Variants in GCH1 observed in about 807,000 individuals in gnomAD.
GCH1 encodes GTP cyclohydrolase 1, also known as GTP cyclohydrolase I.
In GCH1, 5 loss-of-function variants were observed where a neutral mutation model predicts 25.9. The observed-to-expected ratio is 0.19, with a 90% CI of 0.10 to 0.41. The LOEUF (loss-of-function observed/expected upper bound fraction) is 0.41. Ranked by LOEUF, GCH1 falls within the 10% of genes least tolerant of loss-of-function variation. The pLI is 1.00. For missense variants in GCH1, 261 were observed against 336.5 expected (o/e 0.78, Z 1.75); for synonymous variants, 159 against 129.6 (o/e 1.23, Z -1.54).
intron 3 of GCH1, among the ~76,000 whole-genome samples, chr14:54,854,108 C>T (rs2039774295): frequency 6.6e-6 from 1 of 152,206 alleles, no homozygotes; most frequent in Non-Finnish European, 1.5e-5. Flanking sequence ...ACCTATGATA[C>T]AAGATTTTCA....
At chr14:54,845,222 G>C (rs1173335622) in intron 5 of GCH1, among the ~76,000 whole-genome samples, 1 of 151,966 alleles carries the variant, frequency 6.6e-6, no homozygotes, top group East Asian at 1.9e-4. Context: ...GCTCACGCCT[G>C]TAATCCTAGC....
chr14:54,843,725 C>A lies in GCH1; in HGVS notation c.*292G>T. 3 of 1,611,978 alleles carry A rather than the reference C, an allele frequency of 1.9e-6. No homozygotes were observed. The highest frequency in any genetic ancestry group is 1.7e-5 in the Admixed American group (1 of 59,580). Reference sequence around the variant, plus strand: ...ACTATTTGAAAAAAATACACTAATTCTTCTCCCTTCCCAGGCCCCTCTGGT... The same window carrying A: ...ACTATTTGAAAAAAATACACTAATTATTCTCCCTTCCCAGGCCCCTCTGGT... On this transcript the variant is annotated 3_prime_UTR_variant, in exon 6 of 6. Transcript: ENST00000491895.
rs560353530 is a variant in GCH1, at chr14:54,873,011, C to T, written c.344-7575G>A. ...CTCTGCACCAAGCAGACCTAACAGA[C>T]ATCTACAGAACTCTCCACCCCAAAT... On this transcript the variant is annotated intron_variant, in intron 1 of 5. Transcript: ENST00000491895. Among the ~76,000 whole-genome samples, 7 of 151,978 alleles carry T rather than the reference C, an allele frequency of 4.6e-5. No homozygotes were observed. In the East Asian group the frequency reaches 9.7e-4, roughly 21 times the overall value.
intron 1 of GCH1, among the ~76,000 whole-genome samples, chr14:54,899,494 A>T (rs942396301): frequency 6.6e-6 from 1 of 151,892 alleles, no homozygotes; most frequent in African/African-American, 2.4e-5. Flanking sequence ...AATAATCTTA[A>T]ATGGTCCGCT....
chr14:54,860,025 AC>A (rs2039870869), intron 2 of GCH1, among the ~76,000 whole-genome samples: 1 of 152,034 alleles, frequency 6.6e-6, no homozygotes, highest in African/African-American at 2.4e-5. Flanking sequence ...TGCTTCCAGG[AC>A]CCCTGTGTAT....
rs571433770 is a variant in GCH1 at position 54,889,111 on chromosome 14, T to C, written c.343+13210A>G. On this transcript the variant is annotated intron_variant, in intron 1 of 5. Coordinates refer to ENST00000491895, the MANE Select transcript of GCH1 (RefSeq NM_000161.3). ...CTGGAGGCTGTCAGCAAACTGTTCC[T>C]TGAAGCTGAAGGGCAGATTCTTTTT... Among the ~76,000 whole-genome samples, 4 of 152,270 alleles carry C rather than the reference T, an allele frequency of 2.6e-5. No individual in the cohort carries two copies. The South Asian group carries it at 8.3e-4, about 32-fold the overall frequency.
intron 1 of GCH1, chr14:54,885,639 A>G (rs1041497931): frequency 6.7e-6 from 2 of 300,156 alleles, no homozygotes; most frequent in Middle Eastern, 1.3e-3. Flanking sequence ...CTGTAATCCC[A>G]GCACTTTGGG....
intron 1 of GCH1, among the ~76,000 whole-genome samples, chr14:54,892,352 T>G (rs2040434099): frequency 6.6e-6 from 1 of 152,170 alleles, no homozygotes; most frequent in African/African-American, 2.4e-5. Flanking sequence ...TTTCTTGAAA[T>G]AAGGAAATTA....
intron 1 of GCH1, among the ~76,000 whole-genome samples, chr14:54,884,586 A>G (rs1595012604): frequency 6.6e-6 from 1 of 152,076 alleles, no homozygotes. Context: ...CCTGGCCAAC[A>G]TGGTGAAACC....
At chr14:54,902,193 A>C in intron 1 of GCH1, 128 bp downstream of exon 1, 2 of 1,018,324 alleles carry the variant, frequency 2.0e-6, no homozygotes, top group Non-Finnish European at 2.9e-6. Flanking sequence ...GCGGGTTCGG[A>C]GGTGACAGCG....
intron 5 of GCH1, 36 bp downstream of exon 5, chr14:54,845,732 C>T (rs754688480): frequency 9.0e-7 from 1 of 1,109,924 alleles, no homozygotes; most frequent in Non-Finnish European, 1.4e-6. Flanking sequence ...TTCTAGTGCA[C>T]CATTATGACG....
At chr14:54,870,676 A>G (rs1180418907) in intron 1 of GCH1, among the ~76,000 whole-genome samples, 2 of 152,232 alleles carry the variant, frequency 1.3e-5, no homozygotes, top group Admixed American at 6.5e-5. Flanking sequence ...CAACGATCTT[A>G]GCAAACGGCA....
rs573364454 is a variant in GCH1, at chr14:54,843,274, T to A, written c.*743A>T. ...GCTTTTTTAAAAAGGCAAAAGTATCTACACTCTAAATGATATTCTTATCAA... is the reference window on the plus strand; with the variant it reads ...GCTTTTTTAAAAAGGCAAAAGTATCAACACTCTAAATGATATTCTTATCAA... On this transcript the variant is annotated 3_prime_UTR_variant, in exon 6 of 6. Transcript: ENST00000491895. 1.4e-6 allele frequency: 2 copies of A among 1,389,010 alleles called. No individual in the cohort carries two copies. The highest frequency in any genetic ancestry group is 2.9e-5 in the African/African-American group (2 of 68,582). The allele number at this position is 1,389,010 out of a possible 1,614,324, so 86.0% of individuals were successfully genotyped here. A position where few individuals can be genotyped will look rare whatever the true frequency, so the allele number is the denominator to read the frequency against.
In GCH1 at chr14:54,843,446, A is replaced by G. The variant is rs1421556882; in HGVS notation, c.*571T>C. ...TTTAACTCACAGTAAAATCAAAAACATAGACATTCCACCACCTTCCCTTGG... is the reference window on the plus strand; with the variant it reads ...TTTAACTCACAGTAAAATCAAAAACGTAGACATTCCACCACCTTCCCTTGG... On this transcript the variant is annotated 3_prime_UTR_variant, in exon 6 of 6. Transcript: ENST00000491895. 17 of 1,235,510 alleles carry G rather than the reference A, an allele frequency of 1.4e-5. No homozygotes were observed. Among genetic ancestry groups the G allele is most frequent in the Admixed American group, 4.1e-5 (1 of 24,630 alleles). The allele number at this position is 1,235,510 out of a possible 1,614,324, so 76.5% of individuals were successfully genotyped here.
intron 5 of GCH1, among the ~76,000 whole-genome samples, chr14:54,845,526 T>C (rs987933961): frequency 6.6e-6 from 1 of 152,088 alleles, no homozygotes; most frequent in African/African-American, 2.4e-5. Context: ...CCTGTGCTTT[T>C]AACTCCCTAT....
At position 54,850,483 on chromosome 14, in the gene GCH1, GTTTT is replaced by G. The variant is rs548540150; in HGVS notation, c.510-3357_510-3354del. ...ACCCGCCACCACATCCAGCTAATTT[GTTTT>G]TTTTTTTAATTATTATTATACTTTA... On this transcript the variant is annotated intron_variant, in intron 3 of 5. Coordinates refer to ENST00000491895, the MANE Select transcript of GCH1 (RefSeq NM_000161.3). Among the ~76,000 whole-genome samples, 36 of 144,296 alleles carry G rather than the reference GTTTT, an allele frequency of 2.5e-4. 1 individual carries two copies. The East Asian group carries it at 6.7e-3, about 27-fold the overall frequency. 94.7% of individuals were successfully genotyped at this position (144,296 alleles called of 152,430 possible). A position where few individuals can be genotyped will look rare whatever the true frequency, so the allele number is the denominator to read the frequency against.
chr14:54,843,290 T>G lies in GCH1; in HGVS notation c.*727A>C. Reference sequence around the variant, plus strand: ...AAAAGTATCTACACTCTAAATGATATTCTTATCAAGGCACAGAGAGTTAAA... The same window carrying G: ...AAAAGTATCTACACTCTAAATGATAGTCTTATCAAGGCACAGAGAGTTAAA... On this transcript the variant is annotated 3_prime_UTR_variant, in exon 6 of 6. Coordinates refer to ENST00000491895, the MANE Select transcript of GCH1 (RefSeq NM_000161.3). 7.4e-7 allele frequency: 1 copy of G among 1,359,266 alleles called. No individual in the cohort carries two copies. The highest frequency in any genetic ancestry group is 2.0e-5 in the South Asian group (1 of 49,966). The allele number at this position is 1,359,266 out of a possible 1,614,324, so 84.2% of individuals were successfully genotyped here.
chr14:54,859,763 G>A, intron 2 of GCH1, 27 bp from the exon 3 acceptor site: 1 of 1,366,936 alleles, frequency 7.3e-7, no homozygotes, highest in Non-Finnish European at 1.0e-6. Flanking sequence ...GAAATCATTA[G>A]CTGAGTGAAA....
chr14:54,879,875 C>A (rs1050895697), intron 1 of GCH1, among the ~76,000 whole-genome samples: 2 of 149,830 alleles, frequency 1.3e-5, no homozygotes, highest in African/African-American at 4.9e-5. Context: ...ATCCCAGGTA[C>A]TCAGGAGGCT....
Sources: gnomAD v4.1 joint callset for allele counts (sites outside exome capture counted in the v4.1 genomes callset) on GRCh38, gnomAD v4.1.1 for gene constraint, MANE v1.5 for transcripts, NCBI Gene and HGNC (gene_info 2026-07-23, HGNC 2026-07-21) for gene names.